Variants in C4orf51 observed in about 807,000 individuals in gnomAD.
C4orf51 encodes chromosome 4 open reading frame 51.
A neutral mutation model predicts 25.2 loss-of-function variants in C4orf51; 25 were observed. That is an observed-to-expected ratio of 0.99 (90% CI 0.72 to 1.39). C4orf51 has a LOEUF of 1.39. Among genes scored for constraint, C4orf51 ranks in the 40% most tolerant of loss-of-function variants. C4orf51 has a pLI of 0.00. For missense variants in C4orf51, 252 were observed against 239.6 expected, an observed-to-expected ratio of 1.05 and a Z score of -0.34; for synonymous variants, 100 against 84.5, an observed-to-expected ratio of 1.18 and a Z score of -1.01.
At chr4:145,725,896 GT>G (rs1490924694) in intron 2 of C4orf51, among the ~76,000 whole-genome samples, 1 of 152,162 alleles carries the variant, frequency 6.6e-6, no homozygotes, top group Admixed American at 6.5e-5. Context: ...TCACTGAACT[GT>G]GTACTTAAAT....
At chr4:145,729,799 T>C in intron 4 of C4orf51, 93 bp from the exon 5 acceptor site, 1 of 1,055,284 alleles carries the variant, frequency 9.5e-7, no homozygotes, top group Non-Finnish European at 1.5e-6. Context: ...GATCTATTGA[T>C]TTAAAACAAG....
At chr4:145,750,814 G>A (rs1011927136) in intron 1 of C4orf51, among the ~76,000 whole-genome samples, 4 of 151,890 alleles carry the variant, frequency 2.6e-5, no homozygotes, top group Non-Finnish European at 5.9e-5. Context: ...AGATCTTGTA[G>A]GAATGTTTAA....
At position 145,717,276 on chromosome 4, in the gene C4orf51, T is replaced by C. The variant is rs1383809720; in HGVS notation, c.308-9635T>C. Among the ~76,000 whole-genome samples, 5 of 152,278 alleles carry C rather than the reference T, an allele frequency of 3.3e-5. No individual in the cohort carries two copies. The East Asian group carries it at 9.6e-4, about 29-fold the overall frequency. ...TGCATTCCTATCTCCTCTCCAGTTATTATAGTAAAGCACTGGGAGGACGAA... is the reference window on the plus strand; with the variant it reads ...TGCATTCCTATCTCCTCTCCAGTTACTATAGTAAAGCACTGGGAGGACGAA... On this transcript the variant is annotated intron_variant, in intron 2 of 5. Transcript: ENST00000438731.
At chr4:145,707,221 G>A (rs28844909) in intron 2 of C4orf51, among the ~76,000 whole-genome samples, 6,195 of 152,234 alleles carry the variant, frequency 0.041, 319 homozygotes, top group East Asian at 0.26. Context: ...TTACAGGCGT[G>A]AGCCACCGCG....
At chr4:145,779,320 A>C in the C4orf51 span, 8 of 1,582,936 alleles carry the variant, frequency 5.1e-6, no homozygotes, top group Non-Finnish European at 6.9e-6. Flanking sequence ...CCGGAGAGTA[A>C]AGAAGTTGGT....
the C4orf51 span, among the ~76,000 whole-genome samples, chr4:145,776,150 C>T: frequency 6.6e-6 from 1 of 152,134 alleles, no homozygotes; most frequent in Admixed American, 6.5e-5. Flanking sequence ...TGTATTAGTA[C>T]TTCTAAATAT....
At chr4:145,768,916 T>TATATATAAAAAA (rs34051922) in intron 1 of C4orf51, among the ~76,000 whole-genome samples, 1 of 34,414 alleles carries the variant, frequency 2.9e-5, no homozygotes, top group Non-Finnish European at 5.2e-5. Flanking sequence ...TATATATATA[T>TATATATAAAAAA]TAGGTATACA....
chr4:145,787,864 C>T, the C4orf51 span, among the ~76,000 whole-genome samples: 2 of 152,124 alleles, frequency 1.3e-5, no homozygotes, highest in Non-Finnish European at 2.9e-5. Context: ...CCCCAGGGCA[C>T]CCCACATCTT....
chr4:145,753,711 T>G (rs1413553624), intron 1 of C4orf51, among the ~76,000 whole-genome samples: 8 of 152,160 alleles, frequency 5.3e-5, no homozygotes. Context: ...TGCTTGGGCT[T>G]GAGGCTGCCT....
chr4:145,729,909 C>T lies in C4orf51; in HGVS notation c.445C>T (p.Pro149Ser). 2 of 1,613,834 alleles carry T rather than the reference C, an allele frequency of 1.2e-6. No individual in the cohort carries two copies. Among genetic ancestry groups the T allele is most frequent in the Non-Finnish European group, 1.7e-6 (2 of 1,179,764 alleles). ...YGKYCVRPKK[P>S]AQEALINYSR... ...CACCCTAGGTGTGAGACCTAAAAAG[C>T]CAGCACAGGAGGCCCTGATAAACTA... Residue 149 changes from proline (P) to serine (S), a missense_variant, in exon 5 of 6, where the codon CCA (proline) becomes TCA (serine). Physicochemically the swap from Pro to Ser is moderately conservative, Grantham distance 74 (BLOSUM62 -1). Coordinates refer to ENST00000438731, the MANE Select transcript of C4orf51 (RefSeq NM_001080531.3).
At chr4:145,774,510 G>A, downstream of C4orf51, 1 of 1,610,068 alleles carries the variant, frequency 6.2e-7, no homozygotes, top group East Asian at 2.2e-5. Context: ...GGTCACCTGT[G>A]TGCTTGGTGC....
Position 145,763,922 on chromosome 4 carries a change from C to G in C4orf51, n.167-7066C>G, listed in dbSNP as rs1313793785. ...GAGGTCCTGTTGTTCCCTGACTCTT[C>G]TATGTGGGGGAGTTTTTGAGGAGGC... On this transcript the variant is annotated intron_variant and non_coding_transcript_variant, in intron 1 of 1. Coordinates refer to the C4orf51 transcript ENST00000510096. The surrounding 1 kb of genome is among the most constrained non-coding windows in gnomAD (Gnocchi z 4.6). Among the ~76,000 whole-genome samples the G allele has an allele frequency of 6.6e-6, 1 of 151,722 alleles. No individual in the cohort carries two copies. The highest frequency in any genetic ancestry group is 2.4e-5 in the African/African-American group (1 of 41,272).
the C4orf51 span, among the ~76,000 whole-genome samples, chr4:145,781,681 T>G: frequency 6.6e-6 from 1 of 152,206 alleles, no homozygotes; most frequent in South Asian, 2.1e-4. Context: ...GGACAAGAAC[T>G]ACTCTTAAAC....
chr4:145,766,215 T>C (rs1477948794), intron 1 of C4orf51, among the ~76,000 whole-genome samples: 1 of 152,082 alleles, frequency 6.6e-6, no homozygotes, highest in Non-Finnish European at 1.5e-5. Flanking sequence ...CCAGGGTCCA[T>C]GCTCTTCATC....
chr4:145,741,425 A>C (rs1733091347), intron 1 of C4orf51, among the ~76,000 whole-genome samples: 1 of 152,060 alleles, frequency 6.6e-6, no homozygotes, highest in Non-Finnish European at 1.5e-5. Context: ...TTTCCTGTGG[A>C]TATTTGGCTA....
At chr4:145,748,262 A>G (rs1303478501) in intron 1 of C4orf51, among the ~76,000 whole-genome samples, 3 of 151,838 alleles carry the variant, frequency 2.0e-5, no homozygotes, top group Non-Finnish European at 4.4e-5. Context: ...GCTTTTATTT[A>G]TTTGGATCAC....
At chr4:145,735,769 A>G (rs772186862), downstream of C4orf51, among the ~76,000 whole-genome samples, 2 of 152,210 alleles carry the variant, frequency 1.3e-5, no homozygotes, top group Non-Finnish European at 2.9e-5. Flanking sequence ...ACTATTCCAT[A>G]ATTGCAGGCA....
At chr4:145,702,243 C>A (rs1730496084) in intron 2 of C4orf51, among the ~76,000 whole-genome samples, 1 of 151,920 alleles carries the variant, frequency 6.6e-6, no homozygotes, top group African/African-American at 2.4e-5. Flanking sequence ...CCTTATCAAC[C>A]AAATTGTTTT....
downstream of C4orf51, among the ~76,000 whole-genome samples, chr4:145,735,927 G>A (rs760951897): frequency 7.9e-5 from 12 of 152,156 alleles, no homozygotes; most frequent in Non-Finnish European, 1.3e-4. Context: ...TTTATGATGT[G>A]ACACTTGGGT....
Sources: gnomAD v4.1 joint callset for allele counts (sites outside exome capture counted in the v4.1 genomes callset) on GRCh38, gnomAD v4.1.1 for gene constraint, Gnocchi (gnomAD v3.1) non-coding constraint, MANE v1.5 for transcripts, NCBI Gene and HGNC (gene_info 2026-07-23, HGNC 2026-07-21) for gene names.